WWOX: variants seen among roughly 807,000 people sequenced by gnomAD.
WWOX encodes WW domain-containing oxidoreductase.
In WWOX, 69 loss-of-function variants were observed where a neutral mutation model predicts 46.2. The ratio of observed to expected loss-of-function variants is 1.49; its 90% CI spans 1.23 to 1.82. The LOEUF (loss-of-function observed/expected upper bound fraction) is 1.82. Ranked by LOEUF, WWOX falls within the 40% of genes most tolerant of loss-of-function variation. The pLI, the probability that WWOX is intolerant of heterozygous loss-of-function variation, is 0.00. For synonymous variants in WWOX, 359 were observed against 202.6 expected (o/e 1.77, Z -6.56); for missense variants, 919 against 542.6 (o/e 1.69, Z -6.89).
intron 8 of WWOX, among the ~76,000 whole-genome samples, chr16:78,641,888 C>T (rs566572160): frequency 1.2e-3 from 189 of 152,280 alleles, no homozygotes; most frequent in African/African-American, 4.5e-3. Context: ...TATTTCTGTG[C>T]ACAGGCAGTA....
At chr16:78,972,559 A>T (rs2046492724) in intron 8 of WWOX, among the ~76,000 whole-genome samples, 1 of 151,966 alleles carries the variant, frequency 6.6e-6, no homozygotes, top group Non-Finnish European at 1.5e-5. Flanking sequence ...TAGCAAATTT[A>T]CCGTCATCAG....
chr16:78,852,229 C>G (rs2052461460), intron 8 of WWOX, among the ~76,000 whole-genome samples: 1 of 152,210 alleles, frequency 6.6e-6, no homozygotes, highest in African/African-American at 2.4e-5. Flanking sequence ...GTGACCCTCA[C>G]TTCCTGGGTT....
chr16:78,494,345 G>A (rs1286823379), intron 8 of WWOX, among the ~76,000 whole-genome samples: 3 of 152,144 alleles, frequency 2.0e-5, no homozygotes, highest in African/African-American at 4.8e-5. Context: ...AACCTGAGAC[G>A]TGGGTGGGGA....
intron 8 of WWOX, among the ~76,000 whole-genome samples, chr16:78,883,207 T>G (rs953164429): frequency 6.6e-6 from 1 of 152,244 alleles, no homozygotes; most frequent in East Asian, 1.9e-4. Flanking sequence ...GTTGTGGAAA[T>G]TAAAGTAGCC....
At chr16:79,091,181 C>T (rs1221925450) in intron 8 of WWOX, among the ~76,000 whole-genome samples, 2 of 152,324 alleles carry the variant, frequency 1.3e-5, no homozygotes, top group South Asian at 2.1e-4. Flanking sequence ...CCACATCCTT[C>T]CCCCAGACTT....
intron 6 of WWOX, among the ~76,000 whole-genome samples, chr16:78,422,435 C>T (rs910306871): frequency 2.6e-5 from 4 of 151,182 alleles, no homozygotes; most frequent in African/African-American, 9.7e-5. Flanking sequence ...CCCTTGAACT[C>T]CTGGGCTCAA....
At chr16:78,189,917 A>G (rs2035830585) in intron 5 of WWOX, among the ~76,000 whole-genome samples, 1 of 151,994 alleles carries the variant, frequency 6.6e-6, no homozygotes, top group Non-Finnish European at 1.5e-5. Flanking sequence ...GGCCTCCCAA[A>G]GTGCTGGGAT....
intron 5 of WWOX, among the ~76,000 whole-genome samples, chr16:78,283,410 T>A (rs1236221328): frequency 6.6e-6 from 1 of 152,174 alleles, no homozygotes; most frequent in Non-Finnish European, 1.5e-5. Flanking sequence ...CTGTGACCTA[T>A]TTACTTCGAT....
intron 6 of WWOX, among the ~76,000 whole-genome samples, chr16:78,388,883 G>T (rs1388843372): frequency 6.6e-6 from 1 of 151,414 alleles, no homozygotes; most frequent in Admixed American, 6.6e-5. Context: ...GCAGGAGAAT[G>T]GCTTGAACCC....
chr16:78,962,736 CCACTCAGATCAAGA>C (rs2046294661), intron 8 of WWOX, among the ~76,000 whole-genome samples: 1 of 152,126 alleles, frequency 6.6e-6, no homozygotes, highest in Admixed American at 6.5e-5. Context: ...TGTGTAAACA[CCACTCAGATCAAGA>C]CAGAGAACAT....
chr16:79,112,761 G>C (rs140655788), intron 8 of WWOX, among the ~76,000 whole-genome samples: 1 of 152,162 alleles, frequency 6.6e-6, no homozygotes, highest in Non-Finnish European at 1.5e-5. Context: ...CTGGAAGACA[G>C]GAGAGAAATC....
intron 5 of WWOX, among the ~76,000 whole-genome samples, chr16:78,265,142 A>G (rs1327202528): frequency 1.3e-5 from 2 of 151,316 alleles, no homozygotes; most frequent in Admixed American, 1.3e-4. Context: ...CTGGGATTAC[A>G]GGTGCATGGC....
chr16:78,896,234 A>G (rs980653665), intron 8 of WWOX: 1 of 152,160 alleles, frequency 6.6e-6, no homozygotes, highest in Non-Finnish European at 1.5e-5. Context: ...AAAAAAAAAA[A>G]AAGTCACCAA....
intron 8 of WWOX, among the ~76,000 whole-genome samples, chr16:78,459,422 A>G (rs1433946536): frequency 6.6e-6 from 1 of 152,230 alleles, no homozygotes; most frequent in African/African-American, 2.4e-5. Flanking sequence ...TCTTTCATCA[A>G]GAGAAGCAGC....
At chr16:78,687,420 T>C (rs1348131822) in intron 8 of WWOX, among the ~76,000 whole-genome samples, 1 of 152,218 alleles carries the variant, frequency 6.6e-6, no homozygotes, top group East Asian at 1.9e-4. Flanking sequence ...ATTTGTTCTA[T>C]TGCATGCTGA....
chr16:78,886,122 A>G (rs1597106215), intron 8 of WWOX, among the ~76,000 whole-genome samples: 1 of 151,830 alleles, frequency 6.6e-6, no homozygotes, highest in African/African-American at 2.4e-5. Context: ...ACGGGGTGTC[A>G]CCATGTTGGC....
Position 78,456,593 on chromosome 16 carries a change from G to A in WWOX, c.1056+23841G>A, listed in dbSNP as rs193240242. 6.8e-3 allele frequency among the ~76,000 whole-genome samples: 1,032 copies of A among 152,078 alleles called. 14 individuals are homozygous for A. The highest frequency in any genetic ancestry group is 0.023 in the African/African-American group (954 of 41,484). The stretch of plus-strand genomic sequence containing the variant: ...ATTTGAAGTATTTTTTTCTTCTGAT[G>A]GGTATGTAGTTCATTTTTATAAAAA... On this transcript the variant is annotated intron_variant, in intron 8 of 8. Transcript: ENST00000566780.
intron 8 of WWOX, among the ~76,000 whole-genome samples, chr16:79,201,555 T>C (rs969187155): frequency 9.9e-5 from 15 of 152,168 alleles, no homozygotes; most frequent in Non-Finnish European, 1.6e-4. Flanking sequence ...CGAAGGAAAC[T>C]GTCAATTAAT....
At chr16:78,810,688 G>A (rs939499298) in intron 8 of WWOX, among the ~76,000 whole-genome samples, 1 of 152,140 alleles carries the variant, frequency 6.6e-6, no homozygotes, top group Admixed American at 6.5e-5. Flanking sequence ...TGATTGAAGC[G>A]GGCCATAGTA....
Sources: allele counts gnomAD v4.1 joint callset (sites outside exome capture counted in the v4.1 genomes callset), GRCh38; gene constraint gnomAD v4.1.1; transcripts MANE v1.5; gene names NCBI Gene and HGNC (gene_info 2026-07-23, HGNC 2026-07-21).